The following POM121C variants were observed in gnomAD, a reference collection of about 807,000 sequenced individuals.
POM121C encodes nuclear envelope pore membrane protein POM 121C.
POM121C carries 20 observed loss-of-function variants against 66.4 expected under a neutral mutation model. That is an observed-to-expected ratio of 0.30 (90% CI 0.21 to 0.44). The LOEUF (loss-of-function observed/expected upper bound fraction) is 0.44. Ranked by LOEUF, POM121C falls within the 20% of genes least tolerant of loss-of-function variation. POM121C has a pLI of 1.00. For missense variants in POM121C, 580 were observed against 1,225.7 expected, an observed-to-expected ratio of 0.47 and a Z score of 7.87; for synonymous variants, 286 against 528.0, an observed-to-expected ratio of 0.54 and a Z score of 6.28.
In POM121C at chr7:75,417,362, T is replaced by C; in HGVS notation, c.*1434A>G. The C allele has an allele frequency of 5.8e-6, 5 of 864,114 alleles. No homozygotes were observed. The highest frequency in any genetic ancestry group is 7.0e-6 in the Non-Finnish European group (5 of 719,030). 53.5% of individuals were successfully genotyped at this position (864,114 alleles called of 1,614,324 possible). ...AATTCCTAGTTAATAGCATTTATAC[T>C]TAACCACCTCAATGAACCAAGCTTG... On this transcript the variant is annotated 3_prime_UTR_variant, in exon 15 of 15. Transcript: ENST00000615331.
chr7:75,426,904 C>CA (rs1415657810), intron 7 of POM121C, among the ~76,000 whole-genome samples: 10 of 142,802 alleles, frequency 7.0e-5, no homozygotes, highest in African/African-American at 2.3e-4. Context: ...ATTATGAAAG[C>CA]AAAAAAAGAA....
intron 13 of POM121C, chr7:75,420,897 G>A (rs1789679460): frequency 6.3e-6 from 1 of 159,662 alleles, no homozygotes. Flanking sequence ...ACATGTTTCT[G>A]CCTCTGGGCC....
In POM121C at chr7:75,419,462, G is replaced by A. The variant is rs782638196; in HGVS notation, c.2744-20C>T. The stretch of plus-strand genomic sequence containing the variant: ...CGGTGCCTGGAATGAAGAGAACAGA[G>A]AGCTAGCCAGTGAGCAGAGGGCGGA... On this transcript the variant is annotated intron_variant, in intron 13 of 14. Coordinates refer to ENST00000615331, the MANE Select transcript of POM121C (RefSeq NM_001099415.3). 6 of 1,612,514 alleles carry A rather than the reference G, an allele frequency of 3.7e-6. No individual in the cohort carries two copies. In the South Asian group the frequency reaches 5.5e-5, roughly 15 times the overall value.
chr7:75,439,344 C>G (rs1790540383), intron 5 of POM121C, 120 bp from the exon 6 acceptor site: 1 of 1,388,496 alleles, frequency 7.2e-7, no homozygotes, highest in Admixed American at 2.1e-5. Flanking sequence ...CCATGCTAGA[C>G]CAGAAAATGG....
chr7:75,417,725 C>T lies in POM121C; in HGVS notation c.*1071G>A. ...AAGAGGTCTTTGCTTCCCCTGGGCC[C>T]ATTCTCCCTGGCTGCCAGCCCTTGA... On this transcript the variant is annotated 3_prime_UTR_variant, in exon 15 of 15. Transcript: ENST00000615331. 1.0e-6 allele frequency: 1 copy of T among 985,508 alleles called. No individual in the cohort carries two copies. Among genetic ancestry groups the T allele is most frequent in the East Asian group, 1.1e-4 (1 of 8,800 alleles). The allele number at this position is 985,508 out of a possible 1,614,324, so 61.0% of individuals were successfully genotyped here.
intron 3 of POM121C, among the ~76,000 whole-genome samples, chr7:75,453,594 A>T (rs1214603492): frequency 3.3e-5 from 5 of 151,752 alleles, no homozygotes; most frequent in African/African-American, 1.2e-4. Flanking sequence ...AAAAAAAAAA[A>T]AAAAGACACA....
chr7:75,435,572 A>C (rs1444156693), intron 7 of POM121C, among the ~76,000 whole-genome samples: 1 of 152,228 alleles, frequency 6.6e-6, no homozygotes, highest in Non-Finnish European at 1.5e-5. Context: ...TGAACAAACG[A>C]ACCTCACTGT....
At chr7:75,431,585 A>G (rs192822541) in intron 7 of POM121C, among the ~76,000 whole-genome samples, 27 of 143,298 alleles carry the variant, frequency 1.9e-4, no homozygotes, top group Non-Finnish European at 3.6e-4. Flanking sequence ...CCTGGGCAAC[A>G]AGAGTGAAAC....
chr7:75,442,836 G>A (rs1463420715), intron 3 of POM121C: 11 of 1,133,554 alleles, frequency 9.7e-6, no homozygotes, highest in East Asian at 3.4e-5. Flanking sequence ...CTACAGCCCG[G>A]CAGCTCCCGA....
rs587764647 is a variant in POM121C at position 75,458,590 on chromosome 7, A to G, written c.-152+16114T>C. Among the ~76,000 whole-genome samples the G allele has an allele frequency of 8.8e-4, 134 of 152,378 alleles. No individual in the cohort carries two copies. The East Asian group carries it at 0.02, about 23-fold the overall frequency. ...GTTGCACAAAGGTGGGGGAGGCCAGAGGAGCTCTGCAAAAGCTTTGAAAAC... is the reference window on the plus strand; with the variant it reads ...GTTGCACAAAGGTGGGGGAGGCCAGGGGAGCTCTGCAAAAGCTTTGAAAAC... On this transcript the variant is annotated intron_variant, in intron 3 of 14. Transcript: ENST00000615331.
At chr7:75,478,140 T>C (rs1563160320) in intron 1 of POM121C, among the ~76,000 whole-genome samples, 1 of 152,104 alleles carries the variant, frequency 6.6e-6, no homozygotes, top group Non-Finnish European at 1.5e-5. Context: ...CTAATTTTTA[T>C]ATTTTTAGTA....
In POM121C at chr7:75,418,578, G is replaced by C; in HGVS notation, c.*218C>G. On this transcript the variant is annotated 3_prime_UTR_variant, in exon 15 of 15. Transcript: ENST00000615331. ...GTGGAACTGTTCAAGTAGAGGTCCC[G>C]GGCTTTGGCCCTCCGCATCCTGCTT... The C allele has an allele frequency of 7.4e-7, 1 of 1,345,484 alleles. No homozygotes were observed. Among genetic ancestry groups the C allele is most frequent in the Non-Finnish European group, 9.6e-7 (1 of 1,043,066 alleles). The allele number at this position is 1,345,484 out of a possible 1,614,324, so 83.3% of individuals were successfully genotyped here. A position where few individuals can be genotyped will look rare whatever the true frequency, so the allele number is the denominator to read the frequency against.
chr7:75,481,254 CAT>C (rs1563161755), intron 1 of POM121C, among the ~76,000 whole-genome samples: 2 of 150,402 alleles, frequency 1.3e-5, no homozygotes, highest in East Asian at 1.9e-4. Flanking sequence ...TGCTATCAAA[CAT>C]ATATTATATG....
intron 3 of POM121C, among the ~76,000 whole-genome samples, chr7:75,443,406 G>A (rs587760704): frequency 6.6e-6 from 1 of 152,224 alleles, no homozygotes; most frequent in South Asian, 2.1e-4. Context: ...CCTATGAACT[G>A]TATGGTTTGT....
chr7:75,467,392 T>C (rs1276622804), intron 3 of POM121C, among the ~76,000 whole-genome samples: 15 of 151,826 alleles, frequency 9.9e-5, no homozygotes, highest in South Asian at 2.1e-4. Flanking sequence ...ATTAGCCGGG[T>C]GTGGTGGCAC....
chr7:75,438,692 C>G (rs1347468977), intron 6 of POM121C, among the ~76,000 whole-genome samples: 2 of 152,208 alleles, frequency 1.3e-5, no homozygotes, highest in Non-Finnish European at 2.9e-5. Flanking sequence ...CTTTAGCTTT[C>G]CTGGTGGCCA....
intron 7 of POM121C, among the ~76,000 whole-genome samples, chr7:75,431,781 T>C (rs1198572689): frequency 6.6e-6 from 1 of 151,576 alleles, no homozygotes; most frequent in Non-Finnish European, 1.5e-5. Flanking sequence ...TAAAACTCCA[T>C]CTCTATTAAA....
chr7:75,423,817 C>T (rs1789821556), intron 12 of POM121C, among the ~76,000 whole-genome samples: 1 of 152,128 alleles, frequency 6.6e-6, no homozygotes, highest in Non-Finnish European at 1.5e-5. Context: ...GAAGGCGAGG[C>T]TCAGGGCAGC....
Position 75,424,097 on chromosome 7 carries a change from C to G in POM121C, c.1000G>C (p.Glu334Gln). ...LLAPSTNPLL[E>Q]SLKKMQTPPS... is the part of the protein sequence containing the mutation. ...GGAGTCTGCATCTTCTTCAAGCTCT[C>G]TAACAGTGGGTTGGTGCTTGGGGCC... Residue 334 changes from glutamate (E) to glutamine (Q), a missense_variant, in exon 12 of 15, where the codon GAG (glutamate) becomes CAG (glutamine). Physicochemically the swap from Glu to Gln is conservative, Grantham distance 29. Transcript: ENST00000615331. 6.2e-7 allele frequency: 1 copy of G among 1,611,906 alleles called. No homozygotes were observed. Among genetic ancestry groups the G allele is most frequent in the Non-Finnish European group, 8.5e-7 (1 of 1,179,830 alleles).
Sources: allele counts gnomAD v4.1 joint callset (sites outside exome capture counted in the v4.1 genomes callset), GRCh38; gene constraint gnomAD v4.1.1; transcripts MANE v1.5; gene names NCBI Gene and HGNC (gene_info 2026-07-23, HGNC 2026-07-21).